The following TRPM3 variants were observed in gnomAD, a reference collection of about 807,000 sequenced individuals.
TRPM3 encodes the protein transient receptor potential cation channel subfamily M member 3.
A neutral mutation model predicts 181.2 loss-of-function variants in TRPM3; 77 were observed. The observed-to-expected ratio is 0.42, with a 90% CI of 0.35 to 0.51. The LOEUF (loss-of-function observed/expected upper bound fraction) is 0.51, where lower values mean the gene tolerates loss of function less well. Among genes scored for constraint, TRPM3 ranks in the 20% least tolerant of loss-of-function variants. TRPM3 has a pLI of 0.01. For missense variants in TRPM3, 1,759 were observed against 2,196.7 expected (o/e 0.80, Z 3.98); for synonymous variants, 745 against 796.4 (o/e 0.94, Z 1.09).
intron 1 of TRPM3, among the ~76,000 whole-genome samples, chr9:71,393,681 C>T (rs1387837995): frequency 6.6e-6 from 1 of 152,156 alleles, no homozygotes; most frequent in African/African-American, 2.4e-5. Context: ...CCCCTTCCAA[C>T]CGCACACAGC....
At chr9:71,325,919 A>C (rs1158345980) in intron 1 of TRPM3, among the ~76,000 whole-genome samples, 1 of 152,128 alleles carries the variant, frequency 6.6e-6, no homozygotes, top group Admixed American at 6.5e-5. Flanking sequence ...AGATTTTACA[A>C]ATTTCTGGGA....
chr9:71,269,749 T>G (rs1429990527), intron 1 of TRPM3, among the ~76,000 whole-genome samples: 1 of 152,206 alleles, frequency 6.6e-6, no homozygotes, highest in Non-Finnish European at 1.5e-5. Context: ...AAATATATTT[T>G]TGCCTGTAGT....
At chr9:70,640,761 A>C in intron 9 of TRPM3, 101 bp from the exon 10 acceptor site, 1 of 842,256 alleles carries the variant, frequency 1.2e-6, no homozygotes, top group Non-Finnish European at 1.9e-6. Flanking sequence ...TAATGCCCCT[A>C]TTCCCAAAGA....
intron 1 of TRPM3, among the ~76,000 whole-genome samples, chr9:71,234,941 T>A (rs2081274293): frequency 6.6e-6 from 1 of 152,214 alleles, no homozygotes; most frequent in Non-Finnish European, 1.5e-5. Context: ...CCATTTCTTA[T>A]CTATCCTACA....
At chr9:70,758,335 A>T (rs938373083) in intron 8 of TRPM3, among the ~76,000 whole-genome samples, 1 of 152,234 alleles carries the variant, frequency 6.6e-6, no homozygotes, top group African/African-American at 2.4e-5. Context: ...AAGAAAGGAC[A>T]CAAACAAATG....
rs75565433 is a variant in TRPM3 at position 71,353,828 on chromosome 9, C to T, written c.183+92825G>A. On this transcript the variant is annotated intron_variant, in intron 1 of 24. Coordinates refer to the TRPM3 transcript ENST00000357533. ...ATCATCTACCACATATATTGGTGAACAGAAAGTTGTAAACATCCTTAACCA... is the reference window on the plus strand; with the variant it reads ...ATCATCTACCACATATATTGGTGAATAGAAAGTTGTAAACATCCTTAACCA... Among the ~76,000 whole-genome samples the T allele has an allele frequency of 1.8e-4, 28 of 152,254 alleles. 1 individual carries two copies. In the East Asian group the frequency reaches 5.4e-3, roughly 29 times the overall value.
chr9:71,144,585 C>A (rs1018815872), intron 1 of TRPM3, among the ~76,000 whole-genome samples: 3 of 152,094 alleles, frequency 2.0e-5, no homozygotes, highest in Admixed American at 6.6e-5. Context: ...TCATCTGGGT[C>A]AATTACATGA....
At chr9:71,208,628 T>C (rs932650067) in intron 1 of TRPM3, among the ~76,000 whole-genome samples, 19 of 152,208 alleles carry the variant, frequency 1.2e-4, no homozygotes, top group Admixed American at 3.3e-4. Flanking sequence ...TAAAATATCC[T>C]ACTTGCATTA....
intron 1 of TRPM3, among the ~76,000 whole-genome samples, chr9:71,157,609 T>C (rs772348073): frequency 2.6e-5 from 4 of 152,138 alleles, no homozygotes; most frequent in Non-Finnish European, 5.9e-5. Context: ...TCTGAGTTTC[T>C]ATTAGTATGT....
At position 70,772,372 on chromosome 9, in the gene TRPM3, C is replaced by G. The variant is rs377094091; in HGVS notation, c.1149-10648G>C. 2.5e-4 allele frequency among the ~76,000 whole-genome samples: 38 copies of G among 150,862 alleles called. No homozygotes were observed. The East Asian group carries it at 4.9e-3, about 19-fold the overall frequency. On this transcript the variant is annotated intron_variant, in intron 7 of 25. Transcript: ENST00000677713. ...TTGCTCTGTTGCCCAGGCTGGAGTA[C>G]AGTGGTGCAATCACAGCTCATTGCA...
At chr9:70,798,262 C>T (rs1376161849) in intron 6 of TRPM3, among the ~76,000 whole-genome samples, 6 of 152,018 alleles carry the variant, frequency 3.9e-5, no homozygotes, top group African/African-American at 1.5e-4. Context: ...GCCATGTTGC[C>T]CAGGCTGGTC....
At chr9:70,943,842 G>A (rs2096908060) in intron 1 of TRPM3, among the ~76,000 whole-genome samples, 1 of 152,078 alleles carries the variant, frequency 6.6e-6, no homozygotes, top group Non-Finnish European at 1.5e-5. Flanking sequence ...CATGATCTCG[G>A]CTTCTTGGCT....
chr9:71,180,195 C>T (rs989106316), intron 1 of TRPM3, among the ~76,000 whole-genome samples: 14 of 151,640 alleles, frequency 9.2e-5, no homozygotes, highest in Non-Finnish European at 1.8e-4. Context: ...GCTGGGATTA[C>T]AGATGTGCAT....
chr9:71,298,363 T>C (rs865869510), intron 1 of TRPM3, among the ~76,000 whole-genome samples: 1 of 152,162 alleles, frequency 6.6e-6, no homozygotes, highest in African/African-American at 2.4e-5. Flanking sequence ...ACTGAGATAT[T>C]TGTCTAAGCT....
intron 1 of TRPM3, among the ~76,000 whole-genome samples, chr9:71,315,251 G>T (rs62544220): frequency 0.17 from 25,234 of 152,038 alleles, 2,307 homozygotes; most frequent in Middle Eastern, 0.32. Flanking sequence ...TACAGGGGGT[G>T]GGGTAAAAGA....
At chr9:70,660,960 G>A (rs1271072672) in intron 9 of TRPM3, among the ~76,000 whole-genome samples, 1 of 151,838 alleles carries the variant, frequency 6.6e-6, no homozygotes, top group Non-Finnish European at 1.5e-5. Flanking sequence ...CTAATACCAA[G>A]ACCAGCAAAG....
intron 1 of TRPM3, among the ~76,000 whole-genome samples, chr9:71,313,766 C>T (rs1204694005): frequency 6.6e-6 from 1 of 151,980 alleles, no homozygotes; most frequent in Non-Finnish European, 1.5e-5. Flanking sequence ...ATTTTATTTC[C>T]TCATTGGTCA....
At chr9:70,845,022 C>G (rs562601907) in intron 4 of TRPM3, among the ~76,000 whole-genome samples, 2 of 152,228 alleles carry the variant, frequency 1.3e-5, no homozygotes, top group African/African-American at 4.8e-5. Flanking sequence ...AAGAGCTAAG[C>G]AGGTCATTCT....
intron 1 of TRPM3, among the ~76,000 whole-genome samples, chr9:70,951,907 C>G (rs1401929721): frequency 6.6e-6 from 1 of 152,184 alleles, no homozygotes. Flanking sequence ...TGCTCTGAAA[C>G]TCAAGGCTGA....
Sources: allele counts gnomAD v4.1 joint callset (sites outside exome capture counted in the v4.1 genomes callset), GRCh38; gene constraint gnomAD v4.1.1; transcripts MANE v1.5; gene names NCBI Gene and HGNC (gene_info 2026-07-23, HGNC 2026-07-21).